The following APBB1 variants were observed in gnomAD, a reference collection of about 807,000 sequenced individuals.
APBB1 encodes amyloid beta precursor protein binding family B member 1.
APBB1 carries 22 observed loss-of-function variants against 78.4 expected under a neutral mutation model. That is an observed-to-expected ratio of 0.28 (90% CI 0.20 to 0.40). The LOEUF is 0.40. Ranked by LOEUF, APBB1 falls within the 10% of genes least tolerant of loss-of-function variation. The pLI is 1.00. For synonymous variants in APBB1, 369 were observed against 372.7 expected, an observed-to-expected ratio of 0.99 and a Z score of 0.12; for missense variants, 749 against 932.4, an observed-to-expected ratio of 0.80 and a Z score of 2.56.
At position 6,403,020 on chromosome 11, in the gene APBB1, G is replaced by C. The variant is rs1388352537; in HGVS notation, c.1104+125C>G. 1 of 973,712 alleles carries C rather than the reference G, an allele frequency of 1.0e-6. No individual in the cohort carries two copies. Among genetic ancestry groups the C allele is most frequent in the Non-Finnish European group, 1.5e-6 (1 of 648,268 alleles). The allele number at this position is 973,712 out of a possible 1,614,324, so 60.3% of individuals were successfully genotyped here. On this transcript the variant is annotated intron_variant, in intron 6 of 14. Transcript: ENST00000609360. This position sits in a 1 kb window ranked among gnomAD's most constrained non-coding sequence, Gnocchi z 5.3. ...GCTCAGACACAGGGCTCTGTGCTGA[G>C]ACTGGAAGAACTCCTAACTCAGGAC...
Position 6,395,775 on chromosome 11 carries a change from T to C in APBB1, c.1965+11A>G. ...CCACGCCACCACCACACCACCCTAC[T>C]AGTAGCTTACCATGCACGCAGCCTG... On this transcript the variant is annotated intron_variant, in intron 14 of 14. Transcript: ENST00000609360. This position sits in a 1 kb window ranked among gnomAD's most constrained non-coding sequence, Gnocchi z 5.2. The C allele has an allele frequency of 8.5e-7, 1 of 1,169,650 alleles. No individual in the cohort carries two copies. The highest frequency in any genetic ancestry group is 1.2e-6 in the Non-Finnish European group (1 of 862,282). 72.5% of individuals were successfully genotyped at this position (1,169,650 alleles called of 1,614,324 possible).
At chr11:6,413,016 C>T (rs1460494656) in intron 1 of APBB1, among the ~76,000 whole-genome samples, 3 of 152,098 alleles carry the variant, frequency 2.0e-5, no homozygotes, top group Admixed American at 6.5e-5. Context: ...GACCCACCCT[C>T]GGCCCCATTC....
rs755048540 is a variant in APBB1 at position 6,404,843 on chromosome 11, C to A, written c.722-1021G>T. 1.3e-5 allele frequency: 20 copies of A among 1,532,538 alleles called. No individual in the cohort carries two copies. In the African/African-American group the frequency reaches 1.9e-4, roughly 15 times the overall value. 94.9% of individuals were successfully genotyped at this position (1,532,538 alleles called of 1,614,324 possible). On this transcript the variant is annotated intron_variant, in intron 2 of 14. Coordinates refer to ENST00000609360, the MANE Select transcript of APBB1 (RefSeq NM_001164.5). ...CTGCCTCCACCCTCCCTCCTCACAG[C>A]CCCTCCAGCCCAGCCAGCTGGGCTC...
At chr11:6,405,091 C>T in intron 2 of APBB1, 1 of 1,367,418 alleles carries the variant, frequency 7.3e-7, no homozygotes. Flanking sequence ...CCTGGCTCCC[C>T]TCCCCCAATC....
At chr11:6,398,743 C>T (rs61876773) in intron 12 of APBB1, among the ~76,000 whole-genome samples, 1 of 152,258 alleles carries the variant, frequency 6.6e-6, no homozygotes, top group Non-Finnish European at 1.5e-5. Context: ...GAAATACCCA[C>T]TCCACTCTGC....
At position 6,401,490 on chromosome 11, in the gene APBB1, G is replaced by C. The variant is rs754585153; in HGVS notation, c.1504-61C>G. On this transcript the variant is annotated intron_variant, in intron 10 of 14. Transcript: ENST00000609360. This position sits in a 1 kb window ranked among gnomAD's most constrained non-coding sequence, Gnocchi z 4.5. ...TCTATTAGAGCCTCATTGCCCTGGG[G>C]CCCCCCTACAGCACTCAGTGACCCC... The C allele has an allele frequency of 5.0e-6, 8 of 1,612,256 alleles. No homozygotes were observed. The highest frequency in any genetic ancestry group is 1.3e-5 in the African/African-American group (1 of 74,886).
chr11:6,405,457 G>A, intron 2 of APBB1: 1 of 986,898 alleles, frequency 1.0e-6, no homozygotes, highest in Non-Finnish European at 1.2e-6. Context: ...GGAGCGCCCA[G>A]ACTGCTGACG....
chr11:6,414,080 A>C (rs1849055088), intron 1 of APBB1, among the ~76,000 whole-genome samples: 1 of 151,842 alleles, frequency 6.6e-6, no homozygotes, highest in Admixed American at 6.6e-5. Flanking sequence ...TCGTTCGCAG[A>C]CACCCAAGAG....
chr11:6,416,703 C>T (rs541096464), intron 1 of APBB1, among the ~76,000 whole-genome samples: 45 of 152,252 alleles, frequency 3.0e-4, no homozygotes, highest in Non-Finnish European at 4.9e-4. Context: ...CTACTCTCCA[C>T]ATCCACTACC....
Position 6,401,218 on chromosome 11 carries a change from T to C in APBB1, c.1588+127A>G. 6.2e-7 allele frequency: 1 copy of C among 1,610,472 alleles called. No individual in the cohort carries two copies. The highest frequency in any genetic ancestry group is 1.1e-5 in the South Asian group (1 of 90,564). Reference sequence around the variant, plus strand: ...TCCCTTTAACCGGAGTCCCTCCACGTATTGGAGTATTCAGTCTTCATGTGT... The same window carrying C: ...TCCCTTTAACCGGAGTCCCTCCACGCATTGGAGTATTCAGTCTTCATGTGT... On this transcript the variant is annotated intron_variant, in intron 11 of 14. Transcript: ENST00000609360. This position sits in a 1 kb window ranked among gnomAD's most constrained non-coding sequence, Gnocchi z 4.5.
intron 12 of APBB1, among the ~76,000 whole-genome samples, chr11:6,400,061 T>C (rs1323406472): frequency 6.6e-6 from 1 of 152,236 alleles, no homozygotes; most frequent in Non-Finnish European, 1.5e-5. Flanking sequence ...TTTATTTGTG[T>C]GATTATTTTA....
chr11:6,418,489 G>A (rs945128527), intron 1 of APBB1, among the ~76,000 whole-genome samples: 3 of 152,254 alleles, frequency 2.0e-5, no homozygotes, highest in Admixed American at 6.5e-5. Context: ...TTGGCAGTGG[G>A]AAAACTGCTT....
chr11:6,405,312 G>C, intron 2 of APBB1: 1 of 988,338 alleles, frequency 1.0e-6, no homozygotes. Context: ...ACCCAAGGGT[G>C]GGCTTTGAGG....
chr11:6,419,156 G>GGGCGGGCGCGGGAGCGAGCTC (rs1337920776), upstream of APBB1: 2 of 344,868 alleles, frequency 5.8e-6, no homozygotes, highest in African/African-American at 4.3e-5. Flanking sequence ...CGCCATCTTG[G>GGGCGGGCGCGGGAGCGAGCTC]GGCGGGCGCG....
At chr11:6,418,257 C>T (rs984110744) in intron 1 of APBB1, among the ~76,000 whole-genome samples, 1 of 152,206 alleles carries the variant, frequency 6.6e-6, no homozygotes, top group Non-Finnish European at 1.5e-5. Flanking sequence ...AAGGAGATAA[C>T]AGTGTCCACT....
At chr11:6,415,559 A>C (rs11040889) in intron 1 of APBB1, among the ~76,000 whole-genome samples, 3,056 of 152,314 alleles carry the variant, frequency 0.02, 46 homozygotes, top group Middle Eastern at 0.044. Flanking sequence ...AGGGCATTAC[A>C]GGAACCTGGG....
intron 7 of APBB1, 172 bp from the exon 8 acceptor site, chr11:6,402,381 G>T: frequency 8.9e-7 from 1 of 1,126,962 alleles, no homozygotes; most frequent in Non-Finnish European, 1.3e-6. Context: ...CTCTCACATT[G>T]ACTCCACCGT....
intron 2 of APBB1, 66 bp downstream of exon 2, chr11:6,410,561 T>C (rs979560708): frequency 1.2e-5 from 17 of 1,408,886 alleles, no homozygotes; most frequent in Non-Finnish European, 1.5e-5. Context: ...CACTGGCCTC[T>C]GTATGAGAGT....
Position 6,419,082 on chromosome 11 carries a change from G to C in APBB1, c.-112C>G, listed in dbSNP as rs1849194678. The C allele has an allele frequency of 2.6e-6, 1 of 387,088 alleles. No homozygotes were observed. The highest frequency in any genetic ancestry group is 4.6e-6 in the Non-Finnish European group (1 of 218,622). 24.0% of individuals were successfully genotyped at this position (387,088 alleles called of 1,614,324 possible). ...CTCCATCACAACATCCCCCGCCCAG[G>C]AGCGCGCGGGCCGCGGGGCCGCGCC... On this transcript the variant is annotated 5_prime_UTR_variant, in exon 1 of 15. Transcript: ENST00000609360.
Sources: allele counts gnomAD v4.1 joint callset (sites outside exome capture counted in the v4.1 genomes callset), GRCh38; gene constraint gnomAD v4.1.1; non-coding constraint Gnocchi (gnomAD v3.1); transcripts MANE v1.5; gene names NCBI Gene and HGNC (gene_info 2026-07-23, HGNC 2026-07-21).